Variants in GSG1L observed in about 807,000 individuals in gnomAD.
GSG1L encodes germ cell-specific gene 1-like protein.
In GSG1L, 24 loss-of-function variants were observed where a neutral mutation model predicts 42.1. The observed-to-expected ratio is 0.57, with a 90% CI of 0.41 to 0.80. The LOEUF is 0.80. Ranked by LOEUF, GSG1L falls within the 30% of genes least tolerant of loss-of-function variation. The probability of loss-of-function intolerance (pLI) is 0.00; values close to 1 mark genes in which losing one functional copy is unlikely to be tolerated. For missense variants in GSG1L, 445 were observed against 472.2 expected, an observed-to-expected ratio of 0.94 and a Z score of 0.53; for synonymous variants, 215 against 203.5, an observed-to-expected ratio of 1.06 and a Z score of -0.48.
At chr16:27,897,634 C>T (rs971233828) in intron 2 of GSG1L, among the ~76,000 whole-genome samples, 11 of 152,134 alleles carry the variant, frequency 7.2e-5, no homozygotes, top group East Asian at 1.9e-4. Flanking sequence ...ACTTCCTCCC[C>T]GAACCACCCT....
chr16:27,956,181 T>C (rs2141100517), intron 2 of GSG1L, among the ~76,000 whole-genome samples: 1 of 152,354 alleles, frequency 6.6e-6, no homozygotes, highest in East Asian at 1.9e-4. Flanking sequence ...AATAGTTATA[T>C]ATTTTTAACC....
intron 2 of GSG1L, among the ~76,000 whole-genome samples, chr16:27,942,340 G>C (rs2084809759): frequency 6.6e-6 from 1 of 152,414 alleles, no homozygotes; most frequent in East Asian, 1.9e-4. Flanking sequence ...GGTAGAGATG[G>C]AGTTTCACCA....
intron 2 of GSG1L, among the ~76,000 whole-genome samples, chr16:27,924,835 T>C (rs1326657790): frequency 1.3e-5 from 2 of 152,212 alleles, no homozygotes; most frequent in Non-Finnish European, 2.9e-5. Flanking sequence ...TCCTTAATTT[T>C]GACCCTTACA....
At chr16:27,958,409 T>C (rs1269781669) in intron 2 of GSG1L, among the ~76,000 whole-genome samples, 1 of 65,192 alleles carries the variant, frequency 1.5e-5, no homozygotes, top group Non-Finnish European at 3.5e-5. Context: ...TGAGACTCCA[T>C]CTAAAAAAAA....
chr16:27,849,606 T>C (rs1473661433), intron 3 of GSG1L, among the ~76,000 whole-genome samples: 1 of 152,212 alleles, frequency 6.6e-6, no homozygotes, highest in Admixed American at 6.5e-5. Flanking sequence ...GGTGCAATCA[T>C]AGCTCACTGT....
intron 3 of GSG1L, among the ~76,000 whole-genome samples, chr16:27,877,794 C>G (rs988394622): frequency 2.0e-5 from 3 of 152,258 alleles, no homozygotes; most frequent in African/African-American, 7.2e-5. Flanking sequence ...AGTGCTGGAC[C>G]TTGGGGCAAG....
chr16:27,829,163 A>G (rs912582409), intron 4 of GSG1L, among the ~76,000 whole-genome samples: 11 of 152,218 alleles, frequency 7.2e-5, no homozygotes, highest in Admixed American at 7.2e-4. Flanking sequence ...TGTGATGCAG[A>G]TGTAACAGAG....
chr16:27,832,596 G>T (rs1016964685), intron 4 of GSG1L, among the ~76,000 whole-genome samples: 7 of 152,172 alleles, frequency 4.6e-5, no homozygotes, highest in African/African-American at 1.7e-4. Flanking sequence ...AGCAATGTAT[G>T]AGTTTCTTCA....
At chr16:28,015,520 A>G (rs1440606862) in intron 1 of GSG1L, among the ~76,000 whole-genome samples, 2 of 152,148 alleles carry the variant, frequency 1.3e-5, no homozygotes, top group East Asian at 1.9e-4. Flanking sequence ...ATAAAGGACC[A>G]TGGATTTGGT....
intron 1 of GSG1L, among the ~76,000 whole-genome samples, chr16:28,033,126 G>C (rs1200064311): frequency 6.6e-6 from 1 of 152,126 alleles, no homozygotes; most frequent in Non-Finnish European, 1.5e-5. Context: ...AGCCTCCATG[G>C]AGTACTTCAA....
intron 1 of GSG1L, among the ~76,000 whole-genome samples, chr16:28,037,984 C>T (rs182862997): frequency 4.6e-4 from 70 of 152,292 alleles, no homozygotes; most frequent in African/African-American, 1.6e-3. Flanking sequence ...GTAATCTCAT[C>T]AGCACCAAGA....
At chr16:28,023,337 G>A (rs1354065389) in intron 1 of GSG1L, among the ~76,000 whole-genome samples, 1 of 152,090 alleles carries the variant, frequency 6.6e-6, no homozygotes, top group Non-Finnish European at 1.5e-5. Context: ...TCTATAGAAT[G>A]AATATTCCAC....
In GSG1L at chr16:28,037,113, G is replaced by A. The variant is rs1398606839; in HGVS notation, c.349+25963C>T. Among the ~76,000 whole-genome samples the A allele has an allele frequency of 4.0e-5, 6 of 150,522 alleles. No individual in the cohort carries two copies. In the East Asian group the frequency reaches 9.8e-4, roughly 25 times the overall value. On this transcript the variant is annotated intron_variant, in intron 1 of 6. Transcript: ENST00000447459. ...GTGATCTCGGCTCACTGCAACCTCC[G>A]CCTCCCAGGTTCAAGCCATTCTTGT...
intron 4 of GSG1L, among the ~76,000 whole-genome samples, chr16:27,843,783 G>A (rs2083413832): frequency 6.6e-6 from 1 of 152,132 alleles, no homozygotes; most frequent in South Asian, 2.1e-4. Flanking sequence ...CTCCAGAGGT[G>A]GGCTTGGTCA....
At chr16:27,979,934 T>C (rs765716533) in intron 1 of GSG1L, among the ~76,000 whole-genome samples, 2 of 151,902 alleles carry the variant, frequency 1.3e-5, no homozygotes. Flanking sequence ...AGAAAGTGTG[T>C]GAAAATGGCT....
intron 2 of GSG1L, among the ~76,000 whole-genome samples, chr16:27,888,892 A>C (rs1236734087): frequency 6.8e-6 from 1 of 147,496 alleles, no homozygotes; most frequent in Non-Finnish European, 1.5e-5. Context: ...TGCAGGGATT[A>C]CAGGCCTGAG....
intron 5 of GSG1L, 126 bp from the exon 6 acceptor site, chr16:27,807,680 C>T: frequency 1.4e-6 from 1 of 711,664 alleles, no homozygotes; most frequent in South Asian, 1.8e-5. Context: ...AGTAACTTTC[C>T]ACCTGCTGCC....
chr16:27,991,238 T>C (rs1212758890), intron 1 of GSG1L, among the ~76,000 whole-genome samples: 1 of 152,238 alleles, frequency 6.6e-6, no homozygotes, highest in Non-Finnish European at 1.5e-5. Flanking sequence ...AATTATTTCC[T>C]GGCTACAACA....
At chr16:27,888,087 G>A in intron 2 of GSG1L, 1 of 985,298 alleles carries the variant, frequency 1.0e-6, no homozygotes, top group Non-Finnish European at 1.2e-6. Context: ...TCCTATCGCT[G>A]GGTTTCCAGC....
Sources: gnomAD v4.1 joint callset for allele counts (sites outside exome capture counted in the v4.1 genomes callset) on GRCh38, gnomAD v4.1.1 for gene constraint, MANE v1.5 for transcripts, NCBI Gene and HGNC (gene_info 2026-07-23, HGNC 2026-07-21) for gene names.